The following ASTN2 variants were observed in gnomAD, a reference collection of about 807,000 sequenced individuals.
The protein encoded by ASTN2 is astrotactin 2, also known as astrotactin-2.
A neutral mutation model predicts 139.8 loss-of-function variants in ASTN2; 54 were observed. The ratio of observed to expected loss-of-function variants is 0.39; its 90% CI spans 0.31 to 0.48. The LOEUF (loss-of-function observed/expected upper bound fraction) is 0.48. Ranked by LOEUF, ASTN2 falls within the 20% of genes least tolerant of loss-of-function variation. The probability of loss-of-function intolerance (pLI) is 0.95; values close to 1 mark genes in which losing one functional copy is unlikely to be tolerated. For synonymous variants in ASTN2, 756 were observed against 719.5 expected (o/e 1.05, Z -0.81); for missense variants, 1,565 against 1,725.1 (o/e 0.91, Z 1.64).
At chr9:116,555,306 G>C (rs911598551) in intron 19 of ASTN2, among the ~76,000 whole-genome samples, 3 of 152,138 alleles carry the variant, frequency 2.0e-5, no homozygotes, top group African/African-American at 7.2e-5. Context: ...GCCAAGAAGA[G>C]AGACAAGGCC....
intron 13 of ASTN2, among the ~76,000 whole-genome samples, chr9:116,757,309 G>A (rs1372330): frequency 0.13 from 19,647 of 152,162 alleles, 1,395 homozygotes; most frequent in East Asian, 0.23. Context: ...TAAAATTTGC[G>A]ACTGCATCTG....
intron 16 of ASTN2, among the ~76,000 whole-genome samples, chr9:116,671,553 C>T (rs1859196206): frequency 6.6e-6 from 1 of 152,088 alleles, no homozygotes; most frequent in Non-Finnish European, 1.5e-5. Flanking sequence ...AACAATCCCC[C>T]CTCCTCATAT....
At position 116,834,306 on chromosome 9, in the gene ASTN2, C is replaced by CT. The variant is rs1377688862; in HGVS notation, c.2041-13524dup. Among the ~76,000 whole-genome samples the CT allele has an allele frequency of 1.4e-4, 21 of 152,200 alleles. 1 individual carries two copies. Among genetic ancestry groups the CT allele is most frequent in the African/African-American group, 5.1e-4 (21 of 41,540 alleles). On this transcript the variant is annotated intron_variant, in intron 11 of 22. Transcript: ENST00000313400. ...AATGTTCTATAAATGTTAACTAGAT[C>CT]TTTTTTGTTGATGGTGTTATTGAGT...
Position 117,398,434 on chromosome 9 carries a change from A to G in ASTN2, c.442+16063T>C, listed in dbSNP as rs141155163. On this transcript the variant is annotated intron_variant, in intron 1 of 22. Transcript: ENST00000313400. ...AAATTGAAGCTCCAATGTTACAGGC[A>G]GCTAAGAGTGGAGCACCTCTGTAAC... is the stretch of plus-strand genomic sequence containing the variant. 1.4e-3 allele frequency among the ~76,000 whole-genome samples: 218 copies of G among 152,346 alleles called. 2 individuals are homozygous for G. The highest frequency in any genetic ancestry group is 4.8e-3 in the African/African-American group (199 of 41,588).
chr9:117,267,627 C>T (rs1385926077), intron 2 of ASTN2, among the ~76,000 whole-genome samples: 3 of 152,080 alleles, frequency 2.0e-5, no homozygotes, highest in Non-Finnish European at 4.4e-5. Context: ...TTAAAAAATG[C>T]AAAAACAAAT....
At chr9:117,016,592 TTA>T (rs1564385528) in intron 6 of ASTN2, among the ~76,000 whole-genome samples, 1 of 29,544 alleles carries the variant, frequency 3.4e-5, no homozygotes, top group African/African-American at 8.6e-5. Flanking sequence ...ATTCTAGGTT[TTA>T]TATATATATC....
At chr9:117,225,221 G>T (rs1276251513) in intron 2 of ASTN2, among the ~76,000 whole-genome samples, 1 of 151,936 alleles carries the variant, frequency 6.6e-6, no homozygotes, top group Non-Finnish European at 1.5e-5. Context: ...CATCTGTCTG[G>T]CAGTCCTCCA....
chr9:116,461,858 G>A (rs1482088910), intron 20 of ASTN2, among the ~76,000 whole-genome samples: 4 of 152,056 alleles, frequency 2.6e-5, no homozygotes, highest in South Asian at 4.2e-4. Context: ...CCTGACTTAC[G>A]CATGCCTCAT....
chr9:116,618,790 T>C (rs1340735364), intron 18 of ASTN2, among the ~76,000 whole-genome samples: 2 of 152,216 alleles, frequency 1.3e-5, no homozygotes, highest in Admixed American at 1.3e-4. Flanking sequence ...TCAACGATGC[T>C]TCACTTTCAA....
chr9:116,575,109 C>T (rs1395817399), intron 19 of ASTN2, among the ~76,000 whole-genome samples: 1 of 152,144 alleles, frequency 6.6e-6, no homozygotes, highest in Non-Finnish European at 1.5e-5. Flanking sequence ...TCCTTCAAGG[C>T]TCTACTTTTA....
At chr9:116,437,443 G>A in intron 22 of ASTN2, 1 of 471,384 alleles carries the variant, frequency 2.1e-6, no homozygotes, top group Non-Finnish European at 4.4e-6. Flanking sequence ...AGGGTGGGGA[G>A]GTTCGCAGAC....
intron 2 of ASTN2, among the ~76,000 whole-genome samples, chr9:117,237,755 A>G (rs535426570): frequency 3.9e-5 from 6 of 152,326 alleles, no homozygotes; most frequent in African/African-American, 1.4e-4. Context: ...CTGGGATTAC[A>G]GGCATGAGCC....
At chr9:116,622,960 T>G (rs1856240891) in intron 17 of ASTN2, among the ~76,000 whole-genome samples, 1 of 152,174 alleles carries the variant, frequency 6.6e-6, no homozygotes, top group African/African-American at 2.4e-5. Flanking sequence ...CTTTTCTCAC[T>G]CCCTTTGCAG....
At chr9:116,641,818 G>C (rs1376362103) in intron 17 of ASTN2, among the ~76,000 whole-genome samples, 2 of 152,000 alleles carry the variant, frequency 1.3e-5, no homozygotes, top group African/African-American at 2.4e-5. Flanking sequence ...TGAGTGTGTT[G>C]AGTAATATGT....
chr9:116,527,227 C>T (rs1851134491), intron 19 of ASTN2, among the ~76,000 whole-genome samples: 1 of 152,084 alleles, frequency 6.6e-6, no homozygotes, highest in Admixed American at 6.5e-5. Flanking sequence ...AAACAATCAA[C>T]AGAGTGAAGA....
At chr9:116,505,663 G>C (rs530171543) in intron 19 of ASTN2, among the ~76,000 whole-genome samples, 23 of 152,240 alleles carry the variant, frequency 1.5e-4, no homozygotes, top group African/African-American at 5.3e-4. Flanking sequence ...GCGATGGGTC[G>C]GGGGCACTCA....
intron 19 of ASTN2, among the ~76,000 whole-genome samples, chr9:116,606,362 T>A (rs982894470): frequency 1.3e-5 from 2 of 152,018 alleles, no homozygotes; most frequent in African/African-American, 4.8e-5. Flanking sequence ...AAAAGTTAGT[T>A]CAGAAGGGTG....
intron 19 of ASTN2, among the ~76,000 whole-genome samples, chr9:116,529,892 C>A (rs915980591): frequency 6.6e-6 from 1 of 151,926 alleles, no homozygotes; most frequent in African/African-American, 2.4e-5. Flanking sequence ...GTAAATTAAA[C>A]CTCTTTTGTT....
At chr9:116,689,327 A>G (rs1191793598) in intron 16 of ASTN2, among the ~76,000 whole-genome samples, 1 of 152,192 alleles carries the variant, frequency 6.6e-6, no homozygotes. Context: ...TGATAACAAG[A>G]CCAATGTCAC....
Sources: allele counts gnomAD v4.1 joint callset (sites outside exome capture counted in the v4.1 genomes callset), GRCh38; gene constraint gnomAD v4.1.1; transcripts MANE v1.5; gene names NCBI Gene and HGNC (gene_info 2026-07-23, HGNC 2026-07-21).